The following LRP1B variants were observed in gnomAD, a reference collection of about 807,000 sequenced individuals.
The protein encoded by LRP1B is LDL receptor related protein 1B.
Under a neutral mutation model 556.6 loss-of-function variants are expected in LRP1B, and 217 were observed. The observed-to-expected ratio is 0.39, with a 90% confidence interval of 0.35 to 0.44. The LOEUF (loss-of-function observed/expected upper bound fraction) is 0.44, where lower values mean the gene tolerates loss of function less well. Among genes scored for constraint, LRP1B ranks in the 20% least tolerant of loss-of-function variants. The pLI is 1.00. For synonymous variants in LRP1B, 2,047 were observed against 1,865.8 expected (o/e 1.10, Z -2.50); for missense variants, 5,053 against 5,620.8 (o/e 0.90, Z 3.23).
chr2:141,068,121 C>T lies in LRP1B; in HGVS notation c.1014-5848G>A, dbSNP rs577885072. ...ATGACTAACCGCCCATATTATTTAA[C>T]GTTCTATTTTAAGATTCAGAAAAAT... is the stretch of plus-strand genomic sequence containing the variant. On this transcript the variant is annotated intron_variant, in intron 7 of 90. Coordinates refer to ENST00000389484, the MANE Select transcript of LRP1B (RefSeq NM_018557.3). Among the ~76,000 whole-genome samples, 5 of 152,032 alleles carry T rather than the reference C, an allele frequency of 3.3e-5. No homozygotes were observed. In the East Asian group the frequency reaches 9.8e-4, roughly 30 times the overall value.
chr2:142,102,355 T>C (rs1247324849), intron 1 of LRP1B, among the ~76,000 whole-genome samples: 1 of 151,616 alleles, frequency 6.6e-6, no homozygotes, highest in African/African-American at 2.4e-5. Flanking sequence ...CTCTATTGAG[T>C]ACTTCTTTGT....
At chr2:141,476,950 TCC>T (rs1682728907) in intron 3 of LRP1B, among the ~76,000 whole-genome samples, 1 of 151,866 alleles carries the variant, frequency 6.6e-6, no homozygotes, top group Non-Finnish European at 1.5e-5. Context: ...ATGGAGAAAC[TCC>T]ATTTCTACCA....
At chr2:140,643,722 A>G (rs1684382514) in intron 41 of LRP1B, among the ~76,000 whole-genome samples, 1 of 152,180 alleles carries the variant, frequency 6.6e-6, no homozygotes, top group South Asian at 2.1e-4. Flanking sequence ...TCAAAATCAA[A>G]CAATTTTGTT....
At chr2:140,729,394 C>A (rs1330568723) in intron 35 of LRP1B, among the ~76,000 whole-genome samples, 1 of 152,104 alleles carries the variant, frequency 6.6e-6, no homozygotes, top group South Asian at 2.1e-4. Context: ...TGTGTAAGGG[C>A]TAGCCAAATT....
chr2:140,465,765 T>G (rs1028968355), intron 60 of LRP1B, among the ~76,000 whole-genome samples: 2 of 151,786 alleles, frequency 1.3e-5, no homozygotes, highest in Non-Finnish European at 2.9e-5. Context: ...ATATGCAAAT[T>G]TAATGTATTC....
intron 3 of LRP1B, among the ~76,000 whole-genome samples, chr2:141,409,740 T>C (rs1281340774): frequency 6.6e-6 from 1 of 151,918 alleles, no homozygotes; most frequent in Non-Finnish European, 1.5e-5. Context: ...AATAAGGCCA[T>C]AAAAAATCTC....
Position 140,700,345 on chromosome 2 carries a change from C to G in LRP1B, c.6704G>C (p.Arg2235Thr), listed in dbSNP as rs1460357234. ...IALAFDYNQR[R>T]KGTNRIFYSD... is the part of the protein sequence containing the mutation. Reference sequence around the variant, plus strand: ...GTAAAAGATTCGGTTGGTACCTTTTCTTCTTTGATTATAGTCAAAAGCCAA... The same window carrying G: ...GTAAAAGATTCGGTTGGTACCTTTTGTTCTTTGATTATAGTCAAAAGCCAA... Residue 2235 changes from arginine to threonine, a missense_variant, in exon 41 of 91, where the codon AGA (arginine) becomes ACA (threonine). Coordinates refer to ENST00000389484, the MANE Select transcript of LRP1B (RefSeq NM_018557.3). 3 of 1,612,920 alleles carry G rather than the reference C, an allele frequency of 1.9e-6. No homozygotes were observed. The highest frequency in any genetic ancestry group is 1.7e-5 in the Admixed American group (1 of 59,796).
intron 3 of LRP1B, among the ~76,000 whole-genome samples, chr2:141,264,613 C>T (rs979132723): frequency 1.6e-4 from 24 of 152,076 alleles, no homozygotes; most frequent in Admixed American, 1.0e-3. Context: ...CGCCATCACA[C>T]CCGGATAAAT....
At chr2:142,005,815 C>A (rs1371238141) in intron 1 of LRP1B, among the ~76,000 whole-genome samples, 2 of 150,304 alleles carry the variant, frequency 1.3e-5, no homozygotes, top group East Asian at 3.9e-4. Context: ...AAATTCAAAC[C>A]ATCAAAGTAG....
chr2:141,346,426 T>C (rs1223572249), intron 3 of LRP1B, among the ~76,000 whole-genome samples: 2 of 152,048 alleles, frequency 1.3e-5, no homozygotes, highest in Non-Finnish European at 2.9e-5. Flanking sequence ...GCAGTGCAGG[T>C]TTTCCAGAGA....
rs2104917480 is a variant in LRP1B at position 140,510,025 on chromosome 2, G to A, written c.8301C>T (p.Ser2767=). Residue 2767 remains serine (S), a synonymous_variant, in exon 52 of 91, where the codon AGC becomes AGT. Coordinates refer to ENST00000389484, the MANE Select transcript of LRP1B (RefSeq NM_018557.3). Reference sequence around the variant, plus strand: ...GCACGCAGGCACGAGAGCCCTGGCAGCTGAACATGTCAGCAGCACAGGTTA... The same window carrying A: ...GCACGCAGGCACGAGAGCCCTGGCAACTGAACATGTCAGCAGCACAGGTTA... ...GAITCAADMF[S]CQGSRACVPR... 1 of 1,613,900 alleles carries A rather than the reference G, an allele frequency of 6.2e-7. No individual in the cohort carries two copies. Among genetic ancestry groups the A allele is most frequent in the Non-Finnish European group, 8.5e-7 (1 of 1,180,012 alleles).
At chr2:141,356,590 G>GTTTTTTTTTTTTTTTTTTTTTT (rs1279270542) in intron 3 of LRP1B, among the ~76,000 whole-genome samples, 1 of 151,490 alleles carries the variant, frequency 6.6e-6, no homozygotes, top group Non-Finnish European at 1.5e-5. Context: ...TAACATGTAT[G>GTTTTTTTTTTTTTTTTTTTTTT]TTTTTAAGAA....
At position 140,788,673 on chromosome 2, in the gene LRP1B, C is replaced by G. The variant is rs16844694; in HGVS notation, c.5360-12435G>C. Among the ~76,000 whole-genome samples the G allele has an allele frequency of 5.4e-3, 824 of 152,296 alleles. 9 individuals are homozygous for G. Among genetic ancestry groups the G allele is most frequent in the African/African-American group, 0.019 (783 of 41,574 alleles). Reference sequence around the variant, plus strand: ...TTTAGGAAAGTAATGAATCATTTCTCTCTTTGCTAAGAAGACTCTGCTTAA... The same window carrying G: ...TTTAGGAAAGTAATGAATCATTTCTGTCTTTGCTAAGAAGACTCTGCTTAA... On this transcript the variant is annotated intron_variant, in intron 32 of 90. Coordinates refer to ENST00000389484, the MANE Select transcript of LRP1B (RefSeq NM_018557.3).
At chr2:142,106,940 T>C (rs1706767082) in intron 1 of LRP1B, among the ~76,000 whole-genome samples, 2 of 152,132 alleles carry the variant, frequency 1.3e-5, no homozygotes, top group African/African-American at 4.8e-5. Flanking sequence ...CATAAAGGCA[T>C]ATGTTATAAA....
intron 3 of LRP1B, among the ~76,000 whole-genome samples, chr2:141,377,996 C>T (rs557024626): frequency 2.6e-5 from 4 of 152,270 alleles, no homozygotes; most frequent in African/African-American, 7.2e-5. Context: ...TCTTTCTCCT[C>T]CTTTGTTTAG....
chr2:142,090,067 T>C (rs1379646112), intron 1 of LRP1B, among the ~76,000 whole-genome samples: 1 of 152,146 alleles, frequency 6.6e-6, no homozygotes, highest in Non-Finnish European at 1.5e-5. Context: ...AATATGTACA[T>C]TTTAACAATT....
At chr2:140,872,956 T>C (rs1286549868) in intron 25 of LRP1B, among the ~76,000 whole-genome samples, 1 of 152,074 alleles carries the variant, frequency 6.6e-6, no homozygotes, top group Non-Finnish European at 1.5e-5. Flanking sequence ...ACTAAAAATA[T>C]ATACAAGAGC....
chr2:140,347,476 G>A (rs1188035077), intron 77 of LRP1B, among the ~76,000 whole-genome samples: 3 of 146,758 alleles, frequency 2.0e-5, no homozygotes, highest in African/African-American at 5.0e-5. Flanking sequence ...AAAAAAAAAA[G>A]AAACGGGATC....
At position 141,372,288 on chromosome 2, in the gene LRP1B, C is replaced by T. The variant is rs543101481; in HGVS notation, c.343+108108G>A. ...TGTGTTATTGGATTCAAGTTACTAG[C>T]ACATTGTTGAGGACTTTTGTGCCTA... On this transcript the variant is annotated intron_variant, in intron 3 of 90. Transcript: ENST00000389484. Among the ~76,000 whole-genome samples, 52 of 152,138 alleles carry T rather than the reference C, an allele frequency of 3.4e-4. 1 individual carries two copies. Among genetic ancestry groups the T allele is most frequent in the African/African-American group, 1.2e-3 (51 of 41,514 alleles).
Sources: gnomAD v4.1 joint callset for allele counts (sites outside exome capture counted in the v4.1 genomes callset) on GRCh38, gnomAD v4.1.1 for gene constraint, MANE v1.5 for transcripts, NCBI Gene and HGNC (gene_info 2026-07-23, HGNC 2026-07-21) for gene names.